ROBO2: variants seen among roughly 807,000 people sequenced by gnomAD.
ROBO2 encodes roundabout guidance receptor 2, also known as roundabout homolog 2.
A neutral mutation model predicts 160.8 loss-of-function variants in ROBO2; 53 were observed. The observed-to-expected ratio is 0.33, with a 90% CI of 0.26 to 0.41. The LOEUF (loss-of-function observed/expected upper bound fraction) is 0.41. ROBO2 is among the 10% of genes least tolerant of loss of function. The pLI, the probability that ROBO2 is intolerant of heterozygous loss-of-function variation, is 1.00. For synonymous variants in ROBO2, 664 were observed against 611.7 expected, an observed-to-expected ratio of 1.09 and a Z score of -1.26; for missense variants, 1,577 against 1,722.4, an observed-to-expected ratio of 0.92 and a Z score of 1.49.
chr3:77,341,925 A>G (rs938225920), intron 2 of ROBO2, among the ~76,000 whole-genome samples: 2 of 152,110 alleles, frequency 1.3e-5, no homozygotes, highest in African/African-American at 4.8e-5. Context: ...TAGTTTGAGA[A>G]AGAAAGAAAT....
chr3:76,483,779 T>C (rs1285894141), intron 2 of ROBO2, among the ~76,000 whole-genome samples: 2 of 152,144 alleles, frequency 1.3e-5, no homozygotes, highest in African/African-American at 4.8e-5. Context: ...TGAGTTCTCA[T>C]CCTTTAGCTC....
At chr3:76,610,286 G>T (rs1228958536) in intron 2 of ROBO2, among the ~76,000 whole-genome samples, 1 of 152,058 alleles carries the variant, frequency 6.6e-6, no homozygotes, top group African/African-American at 2.4e-5. Context: ...TCCCACCTCT[G>T]CCCAGGCCTC....
intron 23 of ROBO2, chr3:77,634,624 T>C: frequency 2.0e-6 from 1 of 500,116 alleles, no homozygotes; most frequent in Non-Finnish European, 3.6e-6. Flanking sequence ...TGGATCTGTT[T>C]TATGTTCATT....
chr3:76,395,239 C>T (rs992673228), intron 2 of ROBO2, among the ~76,000 whole-genome samples: 14 of 149,262 alleles, frequency 9.4e-5, no homozygotes, highest in African/African-American at 2.5e-4. Context: ...GGGTACATAA[C>T]GAAATGAAGG....
chr3:77,039,541 G>A (rs2063860054), upstream of ROBO2, among the ~76,000 whole-genome samples: 1 of 152,152 alleles, frequency 6.6e-6, no homozygotes, highest in African/African-American at 2.4e-5. Flanking sequence ...CCCGAGGCGG[G>A]AAGGAGTGGG....
chr3:77,328,091 A>G (rs918063373), intron 2 of ROBO2, among the ~76,000 whole-genome samples: 3 of 151,160 alleles, frequency 2.0e-5, no homozygotes, highest in African/African-American at 2.4e-5. Flanking sequence ...GAAAAGAAAA[A>G]AAAAGGAACA....
Position 76,648,709 on chromosome 3 carries a change from T to C in ROBO2, c.110-449305T>C, listed in dbSNP as rs977686974. Among the ~76,000 whole-genome samples the C allele has an allele frequency of 2.6e-5, 4 of 152,122 alleles. No homozygotes were observed. The East Asian group carries it at 7.7e-4, about 29-fold the overall frequency. On this transcript the variant is annotated intron_variant, in intron 2 of 26. Coordinates refer to the ROBO2 transcript ENST00000487694. ...GTATCAATGATTGACGAAGGGTATA[T>C]GAGTATCCACTGTACTATTCTTACA...
chr3:77,583,490 C>T (rs1249036194), intron 16 of ROBO2, among the ~76,000 whole-genome samples: 1 of 152,048 alleles, frequency 6.6e-6, no homozygotes, highest in Non-Finnish European at 1.5e-5. Context: ...ATATATTACA[C>T]TTTCCTGTTC....
chr3:77,554,101 A>G (rs2093024636), intron 8 of ROBO2, among the ~76,000 whole-genome samples: 1 of 151,916 alleles, frequency 6.6e-6, no homozygotes, highest in Non-Finnish European at 1.5e-5. Flanking sequence ...ACTGATGCTC[A>G]TTTACTATTT....
At chr3:75,908,207 A>C (rs1946432445) in intron 1 of ROBO2, among the ~76,000 whole-genome samples, 1 of 152,178 alleles carries the variant, frequency 6.6e-6, no homozygotes, top group African/African-American at 2.4e-5. Context: ...TCTTTCAAAT[A>C]TTTACCAAAT....
intron 2 of ROBO2, among the ~76,000 whole-genome samples, chr3:76,252,093 A>G (rs1425032075): frequency 1.3e-5 from 2 of 152,068 alleles, no homozygotes; most frequent in African/African-American, 4.8e-5. Flanking sequence ...CAGAGACCAG[A>G]AGTAACTTAA....
chr3:76,089,073 AT>A lies in ROBO2; in HGVS notation c.109+151473del, dbSNP rs1559902429. ...ATTATGAACAAATCTATGCTTCCAAATTGGGTAATCCAAATAAAATTGACCA... is the reference window on the plus strand; with the variant it reads ...ATTATGAACAAATCTATGCTTCCAAATGGGTAATCCAAATAAAATTGACCA... On this transcript the variant is annotated intron_variant, in intron 2 of 26. Transcript: ENST00000487694. Among the ~76,000 whole-genome samples, 3 of 152,200 alleles carry A rather than the reference AT, an allele frequency of 2.0e-5. No individual in the cohort carries two copies. In the East Asian group the frequency reaches 5.8e-4, roughly 29 times the overall value.
chr3:77,158,413 A>G (rs1273718253), intron 2 of ROBO2, among the ~76,000 whole-genome samples: 2 of 152,100 alleles, frequency 1.3e-5, no homozygotes, highest in Non-Finnish European at 2.9e-5. Context: ...AACAGACGGC[A>G]AACCATATGA....
chr3:76,926,178 C>T (rs935517185), intron 2 of ROBO2, among the ~76,000 whole-genome samples: 1 of 152,164 alleles, frequency 6.6e-6, no homozygotes, highest in African/African-American at 2.4e-5. Context: ...ATATGGAACT[C>T]AGAGCCAATA....
chr3:76,168,152 A>G (rs1157961935), intron 2 of ROBO2, among the ~76,000 whole-genome samples: 1 of 152,198 alleles, frequency 6.6e-6, no homozygotes, highest in East Asian at 1.9e-4. Flanking sequence ...AGAGTGAGGT[A>G]AGTTCACTGT....
chr3:75,976,783 AGAC>A (rs1263956709), intron 2 of ROBO2, among the ~76,000 whole-genome samples: 1 of 151,468 alleles, frequency 6.6e-6, no homozygotes, highest in African/African-American at 2.4e-5. Context: ...AACAAGAAGA[AGAC>A]TCGGAGGAAA....
chr3:76,683,451 G>A (rs1575941263), intron 2 of ROBO2, among the ~76,000 whole-genome samples: 1 of 114,804 alleles, frequency 8.7e-6, no homozygotes, highest in East Asian at 2.8e-4. Flanking sequence ...CTTTTTATAA[G>A]TAACCCCCAC....
intron 23 of ROBO2, among the ~76,000 whole-genome samples, chr3:77,625,257 CAACA>C (rs1227034575): frequency 6.6e-6 from 1 of 152,140 alleles, no homozygotes; most frequent in Non-Finnish European, 1.5e-5. Context: ...TTTCTTCCTA[CAACA>C]AACACCTATC....
intron 2 of ROBO2, among the ~76,000 whole-genome samples, chr3:77,405,766 T>C (rs2076204417): frequency 6.6e-6 from 1 of 152,094 alleles, no homozygotes; most frequent in African/African-American, 2.4e-5. Context: ...ACAATGATGT[T>C]GGAATGCAAG....
Sources: allele counts gnomAD v4.1 joint callset (sites outside exome capture counted in the v4.1 genomes callset), GRCh38; gene constraint gnomAD v4.1.1; transcripts MANE v1.5; gene names NCBI Gene and HGNC (gene_info 2026-07-23, HGNC 2026-07-21).